Variants in TMEM9 observed in about 807,000 individuals in gnomAD.
TMEM9 encodes the protein proton-transporting V-type ATPase complex assembly regulator TMEM9.
TMEM9 carries 13 observed loss-of-function variants against 22.8 expected under a neutral mutation model. The observed-to-expected ratio is 0.57, with a 90% CI of 0.37 to 0.91. The LOEUF is 0.91. Ranked by LOEUF, TMEM9 falls within the 40% of genes least tolerant of loss-of-function variation. The pLI is 0.01. For missense variants in TMEM9, 182 were observed against 238.1 expected (o/e 0.76, Z 1.55); for synonymous variants, 88 against 93.0 (o/e 0.95, Z 0.31).
At chr1:201,147,950 C>T (rs1425785074) in intron 2 of TMEM9, among the ~76,000 whole-genome samples, 1 of 152,238 alleles carries the variant, frequency 6.6e-6, no homozygotes, top group African/African-American at 2.4e-5. Flanking sequence ...AACCCCCCGC[C>T]AATGCACTGC....
intron 4 of TMEM9, among the ~76,000 whole-genome samples, chr1:201,139,390 G>A (rs1021926940): frequency 6.6e-6 from 1 of 152,198 alleles, no homozygotes; most frequent in Non-Finnish European, 1.5e-5. Context: ...TGCTGCTGTT[G>A]CTGAGTCCCA....
At chr1:201,137,286 C>T (rs1371959148) in intron 4 of TMEM9, among the ~76,000 whole-genome samples, 1 of 152,202 alleles carries the variant, frequency 6.6e-6, no homozygotes, top group African/African-American at 2.4e-5. Context: ...AGGCTCGCGT[C>T]CCAGGTGGAA....
chr1:201,142,858 G>A lies in TMEM9; in HGVS notation c.399+962C>T, dbSNP rs549564670. The stretch of plus-strand genomic sequence containing the variant: ...CATAAAGGGGGAGCCCGAGGCACAC[G>A]GGGCTGTGCAGTCCTCACTCAGGCA... On this transcript the variant is annotated intron_variant, in intron 4 of 4. Coordinates refer to ENST00000367330, the MANE Select transcript of TMEM9 (RefSeq NM_001288565.2). Among the ~76,000 whole-genome samples the A allele has an allele frequency of 7.2e-5, 11 of 152,346 alleles. No individual in the cohort carries two copies. In the South Asian group the frequency reaches 2.1e-3, roughly 29 times the overall value.
intron 1 of TMEM9, 62 bp from the exon 2 acceptor site, chr1:201,151,914 C>A (rs1310488294): frequency 1.5e-6 from 2 of 1,324,240 alleles, no homozygotes; most frequent in Non-Finnish European, 1.1e-6. Flanking sequence ...GGGGTTCAGG[C>A]TCTAGCAAGG....
At chr1:201,170,488 G>A (rs6413916) in intron 1 of TMEM9, among the ~76,000 whole-genome samples, 135,335 of 152,194 alleles carry the variant, frequency 0.89, 60,180 homozygotes, top group East Asian at 0.93. Flanking sequence ...TGGATGCTCA[G>A]TTTTTACCAG....
chr1:201,152,876 G>C (rs748842656), intron 1 of TMEM9, among the ~76,000 whole-genome samples: 1 of 152,200 alleles, frequency 6.6e-6, no homozygotes, highest in Admixed American at 6.5e-5. Context: ...ACAAGAAATC[G>C]TGTCAGTCTA....
At chr1:201,163,074 C>T (rs1572140202) in intron 1 of TMEM9, among the ~76,000 whole-genome samples, 1 of 150,796 alleles carries the variant, frequency 6.6e-6, no homozygotes, top group Non-Finnish European at 1.5e-5. Flanking sequence ...TTGCTTGAGC[C>T]CAGGAGCTAG....
intron 2 of TMEM9, 101 bp downstream of exon 2, chr1:201,151,660 G>A: frequency 1.2e-6 from 1 of 832,790 alleles, no homozygotes; most frequent in Non-Finnish European, 2.1e-6. Context: ...CTCTCCATAG[G>A]AATGGGAGAG....
chr1:201,163,715 T>A (rs1241166640), intron 1 of TMEM9, among the ~76,000 whole-genome samples: 7 of 150,286 alleles, frequency 4.7e-5, no homozygotes. Context: ...AAAAAAAAAA[T>A]AGTGACAATT....
intron 4 of TMEM9, among the ~76,000 whole-genome samples, chr1:201,142,002 C>T (rs1558106877): frequency 1.3e-5 from 2 of 152,364 alleles, no homozygotes; most frequent in East Asian, 3.9e-4. Context: ...CCCCTAATCG[C>T]TGAGTGTTTA....
chr1:201,144,784 G>T lies in TMEM9; in HGVS notation c.268-833C>A, dbSNP rs149514329. On this transcript the variant is annotated intron_variant, in intron 3 of 4. Transcript: ENST00000367330. ...TCACCCACCTCTAAATGCCCCCTGGGGGGGCTGTAATCATCTGATTGAGAA... is the reference window on the plus strand; with the variant it reads ...TCACCCACCTCTAAATGCCCCCTGGTGGGGCTGTAATCATCTGATTGAGAA... 5.9e-5 allele frequency: 9 copies of T among 152,292 alleles called. No homozygotes were observed. In the East Asian group the frequency reaches 1.7e-3, roughly 29 times the overall value. The allele number at this position is 152,292 out of a possible 1,614,324, so 9.4% of individuals were successfully genotyped here. A position where few individuals can be genotyped will look rare whatever the true frequency, so the allele number is the denominator to read the frequency against.
chr1:201,141,662 C>T (rs1664540359), intron 4 of TMEM9, among the ~76,000 whole-genome samples: 1 of 152,148 alleles, frequency 6.6e-6, no homozygotes, highest in African/African-American at 2.4e-5. Flanking sequence ...GCATGGCTCG[C>T]CAGCTTCTAT....
In TMEM9 at chr1:201,135,717, C is replaced by T. The variant is rs1321053963; in HGVS notation, c.498G>A (p.Leu166=). The change falls in exon 5 of 5, where the codon CTG becomes CTA. Residue 166 remains leucine, a synonymous_variant. Transcript: ENST00000367330. ...CTGTCTTCCGCTGCTCCTGCACCTG[C>T]AGCTTCCACCGCTGCTGGGCACCTT... ...RVEGAQQRWK[L]QVQEQRKTVF... The T allele has an allele frequency of 1.2e-6, 2 of 1,613,898 alleles. No homozygotes were observed. The highest frequency in any genetic ancestry group is 1.7e-6 in the Non-Finnish European group (2 of 1,179,916).
upstream of TMEM9, among the ~76,000 whole-genome samples, chr1:201,159,273 G>A (rs1264828718): frequency 6.6e-6 from 1 of 152,204 alleles, no homozygotes; most frequent in Non-Finnish European, 1.5e-5. Context: ...TCAGGTGCCT[G>A]ACGATGTCCT....
chr1:201,159,922 A>G (rs1558120483), intron 1 of TMEM9, among the ~76,000 whole-genome samples: 1 of 152,212 alleles, frequency 6.6e-6, no homozygotes. Flanking sequence ...TGATGTGTAC[A>G]GTCCTGGGTG....
chr1:201,157,146 G>A (rs905128785), upstream of TMEM9, among the ~76,000 whole-genome samples: 5 of 152,154 alleles, frequency 3.3e-5, no homozygotes, highest in African/African-American at 4.8e-5. Flanking sequence ...GAAATGCAGG[G>A]GGTTTTATAG....
chr1:201,167,006 TC>T (rs1484837648), intron 1 of TMEM9, among the ~76,000 whole-genome samples: 76 of 152,368 alleles, frequency 5.0e-4, no homozygotes, highest in African/African-American at 1.8e-3. Flanking sequence ...GCAAGTTGAT[TC>T]TAAGTGTATT....
At chr1:201,156,294 C>G (rs979850097), upstream of TMEM9, among the ~76,000 whole-genome samples, 3 of 152,184 alleles carry the variant, frequency 2.0e-5, no homozygotes, top group Non-Finnish European at 4.4e-5. Flanking sequence ...CAGGAGGTAG[C>G]TATCATCACC....
chr1:201,159,739 A>G (rs1054835157), intron 1 of TMEM9, among the ~76,000 whole-genome samples: 5 of 152,254 alleles, frequency 3.3e-5, no homozygotes, highest in Non-Finnish European at 5.9e-5. Context: ...AACAAAACTT[A>G]GAATAAAAGC....
Sources: gnomAD v4.1 joint callset for allele counts (sites outside exome capture counted in the v4.1 genomes callset) on GRCh38, gnomAD v4.1.1 for gene constraint, MANE v1.5 for transcripts, NCBI Gene and HGNC (gene_info 2026-07-23, HGNC 2026-07-21) for gene names.